The following FRMD4A variants were observed in gnomAD, a reference collection of about 807,000 sequenced individuals.
The protein encoded by FRMD4A is FERM domain containing 4A, also known as FERM domain-containing protein 4A.
FRMD4A carries 29 observed loss-of-function variants against 129.1 expected under a neutral mutation model. The ratio of observed to expected loss-of-function variants is 0.22; its 90% CI spans 0.17 to 0.31. The LOEUF (loss-of-function observed/expected upper bound fraction) is 0.31. Ranked by LOEUF, FRMD4A falls within the 10% of genes least tolerant of loss-of-function variation. FRMD4A has a pLI of 1.00. For missense variants in FRMD4A, 1,272 were observed against 1,375.8 expected, an observed-to-expected ratio of 0.92 and a Z score of 1.19; for synonymous variants, 634 against 571.6, an observed-to-expected ratio of 1.11 and a Z score of -1.56.
At chr10:13,831,027 T>C (rs886704503) in intron 3 of FRMD4A, among the ~76,000 whole-genome samples, 1 of 152,324 alleles carries the variant, frequency 6.6e-6, no homozygotes, top group Non-Finnish European at 1.5e-5. Context: ...TGACCTCAAG[T>C]GATCCACCTG....
intron 2 of FRMD4A, among the ~76,000 whole-genome samples, chr10:14,176,993 T>G (rs1422299547): frequency 1.3e-5 from 2 of 152,180 alleles, no homozygotes; most frequent in Non-Finnish European, 2.9e-5. Context: ...TACATTTAGC[T>G]TCCATCCCTT....
At chr10:13,747,539 T>A (rs1041824144) in intron 9 of FRMD4A, among the ~76,000 whole-genome samples, 197 bp downstream of exon 9, 7 of 99,258 alleles carry the variant, frequency 7.1e-5, no homozygotes, top group East Asian at 2.6e-4. Context: ...AAAAAAAAAA[T>A]TAATTAATTA....
rs747922405 is a variant in FRMD4A, at chr10:13,821,320, G to T, written c.112-10412C>A. Among the ~76,000 whole-genome samples, 6 of 152,128 alleles carry T rather than the reference G, an allele frequency of 3.9e-5. No homozygotes were observed. The highest frequency in any genetic ancestry group is 7.4e-5 in the Non-Finnish European group (5 of 67,992). The stretch of plus-strand genomic sequence containing the variant: ...GGAGGCTACTTCCTGTAGGCAGACG[G>T]GTGTGAAGAACAATGGAGTTGCACT... On this transcript the variant is annotated intron_variant, in intron 3 of 24. Transcript: ENST00000357447. The surrounding 1 kb of genome is among the most constrained non-coding windows in gnomAD (Gnocchi z 4.3).
chr10:14,210,642 C>A (rs1358418952), intron 2 of FRMD4A, among the ~76,000 whole-genome samples: 3 of 152,160 alleles, frequency 2.0e-5, no homozygotes, highest in African/African-American at 7.2e-5. Context: ...GGTCCTGGCC[C>A]CTAAGGAGTC....
chr10:13,793,325 T>C (rs796851881), intron 5 of FRMD4A, among the ~76,000 whole-genome samples: 12 of 152,088 alleles, frequency 7.9e-5, no homozygotes, highest in African/African-American at 2.9e-4. Flanking sequence ...GCATGCACCA[T>C]CATTCCTAGC....
At chr10:14,255,356 G>T (rs1438390142) in intron 2 of FRMD4A, among the ~76,000 whole-genome samples, 1 of 152,178 alleles carries the variant, frequency 6.6e-6, no homozygotes, top group Non-Finnish European at 1.5e-5. Context: ...TGTGGACAGA[G>T]TAATTCTCAG....
At chr10:14,013,520 C>T (rs1387052958) in intron 2 of FRMD4A, among the ~76,000 whole-genome samples, 1 of 152,178 alleles carries the variant, frequency 6.6e-6, no homozygotes, top group Non-Finnish European at 1.5e-5. Context: ...GGAAGAGAGA[C>T]ATCTCTTGGA....
At chr10:14,283,196 G>A (rs987925248) in intron 2 of FRMD4A, among the ~76,000 whole-genome samples, 12 of 152,294 alleles carry the variant, frequency 7.9e-5, no homozygotes, top group African/African-American at 2.4e-4. Context: ...TCCTTCAACC[G>A]TAATTCTCAG....
At chr10:14,261,977 CA>C (rs1844820069) in intron 2 of FRMD4A, among the ~76,000 whole-genome samples, 1 of 140,490 alleles carries the variant, frequency 7.1e-6, no homozygotes, top group South Asian at 2.1e-4. Context: ...CACACACACA[CA>C]CACACACACC....
At chr10:13,862,039 T>C (rs2094301964) in intron 2 of FRMD4A, among the ~76,000 whole-genome samples, 2 of 152,174 alleles carry the variant, frequency 1.3e-5, no homozygotes, top group Non-Finnish European at 2.9e-5. Context: ...CTAAGGTCAA[T>C]AGAGTAAAAG....
At chr10:13,731,730 T>C (rs753177946) in intron 12 of FRMD4A, among the ~76,000 whole-genome samples, 12 of 152,028 alleles carry the variant, frequency 7.9e-5, no homozygotes, top group Non-Finnish European at 1.5e-4. Flanking sequence ...AAAGAACTTA[T>C]ATATGCAAGC....
chr10:13,804,336 T>A (rs1357330261), intron 4 of FRMD4A, among the ~76,000 whole-genome samples: 2 of 152,218 alleles, frequency 1.3e-5, no homozygotes, highest in Non-Finnish European at 2.9e-5. Flanking sequence ...TTTGTTTATT[T>A]TTAAATTGTA....
At chr10:14,105,142 G>A (rs894370800) in intron 2 of FRMD4A, among the ~76,000 whole-genome samples, 11 of 152,210 alleles carry the variant, frequency 7.2e-5, no homozygotes, top group African/African-American at 2.7e-4. Flanking sequence ...GACCATAAGA[G>A]ATGGGTCATT....
chr10:14,292,809 A>C (rs945491430), intron 2 of FRMD4A, among the ~76,000 whole-genome samples: 21 of 152,134 alleles, frequency 1.4e-4, no homozygotes, highest in South Asian at 8.3e-4. Flanking sequence ...CAAAAAAAAA[A>C]CCAAAACATT....
At chr10:13,976,397 G>A (rs925579778) in intron 2 of FRMD4A, among the ~76,000 whole-genome samples, 1 of 152,122 alleles carries the variant, frequency 6.6e-6, no homozygotes. Context: ...TGGCATGGCA[G>A]GGAAGACTGC....
chr10:13,698,340 G>A (rs1002929636), intron 14 of FRMD4A, among the ~76,000 whole-genome samples: 3 of 152,150 alleles, frequency 2.0e-5, no homozygotes, highest in African/African-American at 4.8e-5. Flanking sequence ...GTACAGTAGA[G>A]TGTGAGCAGT....
At chr10:14,026,679 A>C (rs1439980719) in intron 2 of FRMD4A, among the ~76,000 whole-genome samples, 2 of 152,212 alleles carry the variant, frequency 1.3e-5, no homozygotes, top group East Asian at 3.8e-4. Context: ...AATTGATTCA[A>C]TAACCAGCTG....
intron 2 of FRMD4A, among the ~76,000 whole-genome samples, chr10:14,291,076 T>C (rs1589271900): frequency 6.6e-6 from 1 of 152,136 alleles, no homozygotes; most frequent in South Asian, 2.1e-4. Context: ...AGTGATACTA[T>C]GAAGAAAGGG....
At chr10:14,192,739 TTCCAGGAATGAACATC>T (rs1482839765) in intron 2 of FRMD4A, among the ~76,000 whole-genome samples, 1 of 152,236 alleles carries the variant, frequency 6.6e-6, no homozygotes, top group African/African-American at 2.4e-5. Flanking sequence ...TTCTGTGAGT[TTCCAGGAATGAACATC>T]TCCCCTCTAG....
Sources: gnomAD v4.1 joint callset for allele counts (sites outside exome capture counted in the v4.1 genomes callset) on GRCh38, gnomAD v4.1.1 for gene constraint, Gnocchi (gnomAD v3.1) non-coding constraint, MANE v1.5 for transcripts, NCBI Gene and HGNC (gene_info 2026-07-23, HGNC 2026-07-21) for gene names.